FAM184A: variants seen among roughly 807,000 people sequenced by gnomAD.
FAM184A encodes protein FAM184A.
FAM184A carries 99 observed loss-of-function variants against 143.8 expected under a neutral mutation model. The observed-to-expected ratio is 0.69, with a 90% confidence interval of 0.58 to 0.81. The LOEUF (loss-of-function observed/expected upper bound fraction) is 0.81. Ranked by LOEUF, FAM184A falls within the 40% of genes least tolerant of loss-of-function variation. The pLI, the probability that FAM184A is intolerant of heterozygous loss-of-function variation, is 0.00. For missense variants in FAM184A, 1,217 were observed against 1,310.5 expected (o/e 0.93, Z 1.10); for synonymous variants, 427 against 446.4 (o/e 0.96, Z 0.55).
intron 14 of FAM184A, among the ~76,000 whole-genome samples, chr6:118,968,541 A>C (rs1042165234): frequency 1.3e-5 from 2 of 152,248 alleles, no homozygotes; most frequent in Non-Finnish European, 2.9e-5. Context: ...TTTTATGGGC[A>C]AACATTAAGA....
intron 8 of FAM184A, 38 bp downstream of exon 8, chr6:119,003,463 A>C: frequency 6.3e-7 from 1 of 1,585,042 alleles, no homozygotes; most frequent in Non-Finnish European, 8.6e-7. Context: ...ACTTTCTTGC[A>C]TGTCTTTATT....
intron 1 of FAM184A, among the ~76,000 whole-genome samples, chr6:119,037,786 T>C (rs979870675): frequency 6.6e-6 from 1 of 152,158 alleles, no homozygotes; most frequent in Non-Finnish European, 1.5e-5. Flanking sequence ...AAATTTTACT[T>C]TAGAAAATCA....
intron 5 of FAM184A, among the ~76,000 whole-genome samples, chr6:119,013,999 C>G (rs1205992750): frequency 6.6e-6 from 1 of 152,224 alleles, no homozygotes; most frequent in Non-Finnish European, 1.5e-5. Context: ...TAACAACCAT[C>G]ATTACTAAAT....
chr6:119,128,680 G>A (rs1789440403), intron 1 of FAM184A, among the ~76,000 whole-genome samples: 1 of 152,084 alleles, frequency 6.6e-6, no homozygotes, highest in Admixed American at 6.6e-5. Flanking sequence ...TAAAACTGAG[G>A]CCCCCAGTTA....
rs578246696 is a variant in FAM184A, at chr6:119,013,767, T to G, written c.1531-2336A>C. On this transcript the variant is annotated intron_variant, in intron 5 of 17. Transcript: ENST00000338891. The stretch of plus-strand genomic sequence containing the variant: ...AATTAAGTTTAGGTCTTAAATATTT[T>G]TCCCAACTAGTCATGTCACAAAAGG... Among the ~76,000 whole-genome samples the G allele has an allele frequency of 2.0e-4, 31 of 152,356 alleles. No individual in the cohort carries two copies. The South Asian group carries it at 5.8e-3, about 29-fold the overall frequency.
chr6:119,083,993 T>C, intron 1 of FAM184A, among the ~76,000 whole-genome samples: 1 of 152,082 alleles, frequency 6.6e-6, no homozygotes, highest in East Asian at 1.9e-4. Context: ...TGACTCACAG[T>C]TCCACATTCT....
intron 14 of FAM184A, among the ~76,000 whole-genome samples, chr6:118,970,683 T>C (rs1196079712): frequency 6.6e-6 from 1 of 152,162 alleles, no homozygotes. Flanking sequence ...TGTAGCCTTT[T>C]ACTCAAATTT....
At chr6:119,011,235 C>A in intron 6 of FAM184A, 74 bp downstream of exon 6, 1 of 1,286,920 alleles carries the variant, frequency 7.8e-7, no homozygotes. Context: ...ACTTACCTAC[C>A]TATACAATGT....
At chr6:119,147,055 G>T (rs1050991225) in intron 1 of FAM184A, among the ~76,000 whole-genome samples, 2 of 149,048 alleles carry the variant, frequency 1.3e-5, no homozygotes, top group Non-Finnish European at 3.0e-5. Context: ...GGGGGCAGTG[G>T]CAGGCTCTGT....
chr6:119,079,158 T>C, upstream of FAM184A: 1 of 152,364 alleles, frequency 6.6e-6, no homozygotes, highest in Non-Finnish European at 1.5e-5. Flanking sequence ...TGCCCTGACC[T>C]TCCTTCCAAT....
At position 118,966,938 on chromosome 6, in the gene FAM184A, T is replaced by C; in HGVS notation, c.2930A>G (p.Glu977Gly). The change falls in exon 15 of 18, where the codon GAA becomes GGA. Residue 977 changes from glutamate to glycine, a missense_variant. Physicochemically the swap from Glu to Gly is moderately conservative, Grantham distance 98. Coordinates refer to ENST00000338891, the MANE Select transcript of FAM184A (RefSeq NM_024581.6). ...TGATTCTCTCATTAGATATTTTTCTTCCATTTCTTCTAATCTGAAAACAAG... is the reference window on the plus strand; with the variant it reads ...TGATTCTCTCATTAGATATTTTTCTCCCATTTCTTCTAATCTGAAAACAAG... The part of the protein sequence containing the change: ...AALQVSLEEM[E>G]EKYLMRESKP... The C allele has an allele frequency of 6.7e-7, 1 of 1,499,222 alleles. No homozygotes were observed. The highest frequency in any genetic ancestry group is 9.2e-7 in the Non-Finnish European group (1 of 1,083,042). The allele number at this position is 1,499,222 out of a possible 1,614,324, so 92.9% of individuals were successfully genotyped here. A position where few individuals can be genotyped will look rare whatever the true frequency, so the allele number is the denominator to read the frequency against.
chr6:119,111,397 G>A (rs1788926343), intron 1 of FAM184A, among the ~76,000 whole-genome samples: 2 of 152,226 alleles, frequency 1.3e-5, no homozygotes, highest in South Asian at 4.1e-4. Flanking sequence ...AATGGATACA[G>A]AGTTTCAGTT....
At chr6:119,035,537 C>A (rs1332527854) in intron 1 of FAM184A, among the ~76,000 whole-genome samples, 2 of 152,166 alleles carry the variant, frequency 1.3e-5, no homozygotes, top group African/African-American at 4.8e-5. Flanking sequence ...TGGGGAAAAT[C>A]TACATTGTGT....
chr6:119,035,676 A>G (rs1175395086), intron 1 of FAM184A, among the ~76,000 whole-genome samples: 1 of 151,782 alleles, frequency 6.6e-6, no homozygotes, highest in Non-Finnish European at 1.5e-5. Context: ...GCATGATAAA[A>G]CCTTCGTCTC....
At chr6:119,020,287 C>T in intron 3 of FAM184A, 128 bp from the exon 4 acceptor site, 1 of 628,862 alleles carries the variant, frequency 1.6e-6, no homozygotes, top group South Asian at 6.5e-5. Flanking sequence ...TACAAATTTT[C>T]CTTTTGTTTC....
At chr6:119,065,512 G>T (rs1292281480) in intron 1 of FAM184A, among the ~76,000 whole-genome samples, 4 of 152,130 alleles carry the variant, frequency 2.6e-5, no homozygotes, top group African/African-American at 9.7e-5. Context: ...CCAGCAATAG[G>T]TAACTAACAC....
At chr6:119,035,611 G>A (rs1215854167) in intron 1 of FAM184A, among the ~76,000 whole-genome samples, 3 of 152,204 alleles carry the variant, frequency 2.0e-5, no homozygotes, top group Non-Finnish European at 1.5e-5. Flanking sequence ...TAAGAGTCTG[G>A]TATCTTTTTA....
At chr6:119,039,520 T>C (rs773072149) in intron 1 of FAM184A, among the ~76,000 whole-genome samples, 46 of 152,222 alleles carry the variant, frequency 3.0e-4, no homozygotes, top group African/African-American at 9.6e-4. Context: ...AGAAGCCAAA[T>C]TGAAAAAGCT....
intron 1 of FAM184A, among the ~76,000 whole-genome samples, chr6:119,092,569 C>T (rs1788399266): frequency 6.6e-6 from 1 of 152,080 alleles, no homozygotes. Flanking sequence ...ATCAATGGGG[C>T]CATGATAGCA....
Sources: gnomAD v4.1 joint callset for allele counts (sites outside exome capture counted in the v4.1 genomes callset) on GRCh38, gnomAD v4.1.1 for gene constraint, MANE v1.5 for transcripts, NCBI Gene and HGNC (gene_info 2026-07-23, HGNC 2026-07-21) for gene names.